Variants in ZBED6 observed in about 807,000 individuals in gnomAD.
ZBED6 encodes the protein zinc finger BED domain-containing protein 6.
A neutral mutation model predicts 58.4 loss-of-function variants in ZBED6; 40 were observed. That is an observed-to-expected ratio of 0.68 (90% CI 0.53 to 0.89). The LOEUF is 0.89. Ranked by LOEUF, ZBED6 falls within the 40% of genes least tolerant of loss-of-function variation. The pLI is 0.00. For synonymous variants in ZBED6, 439 were observed against 350.6 expected, an observed-to-expected ratio of 1.25 and a Z score of -2.82; for missense variants, 1,057 against 1,003.9, an observed-to-expected ratio of 1.05 and a Z score of -0.71.
chr1:203,825,804 A>G (rs1680344383), intron 3 of ZBED6, among the ~76,000 whole-genome samples: 1 of 149,986 alleles, frequency 6.7e-6, no homozygotes, highest in African/African-American at 2.4e-5. Flanking sequence ...GTCACTTGTG[A>G]TTTTTTTTTT....
exon 17 of ZBED6, chr1:203,852,511 A>T (rs559402046): frequency 2.6e-5 from 31 of 1,207,038 alleles, no homozygotes; most frequent in Middle Eastern, 2.1e-4. Context: ...ATTTGCCCCA[A>T]ATCAGAAGTA....
chr1:203,799,811 C>T, exon 1 of ZBED6: 1 of 1,388,014 alleles, frequency 7.2e-7, no homozygotes, highest in Non-Finnish European at 9.9e-7. Flanking sequence ...AATCCAAGCC[C>T]TGTATCTTGG....
At chr1:203,833,008 C>T (rs896070884) in intron 8 of ZBED6, among the ~76,000 whole-genome samples, 25 of 151,802 alleles carry the variant, frequency 1.6e-4, no homozygotes, top group African/African-American at 4.1e-4. Flanking sequence ...CTGAGGCGGG[C>T]GGATCGCTTG....
Position 203,829,763 on chromosome 1 carries a change from T to A in ZBED6, c.*3202-17T>A. On this transcript the variant is annotated splice_polypyrimidine_tract_variant and intron_variant, in intron 5 of 16. Coordinates refer to ENST00000550078, the Ensembl canonical transcript of ZBED6. ...CGTATTTTTAATTGTGAATTTGCCT[T>A]AAATGTTGATATATAGATCAGTTTT... is the stretch of plus-strand genomic sequence containing the variant. The A allele has an allele frequency of 6.2e-7, 1 of 1,613,272 alleles. No individual in the cohort carries two copies. The highest frequency in any genetic ancestry group is 8.5e-7 in the Non-Finnish European group (1 of 1,179,218).
intron 7 of ZBED6, among the ~76,000 whole-genome samples, chr1:203,830,925 A>ATTTTTTTTTTTTTTT (rs774771270): frequency 1.9e-5 from 1 of 51,352 alleles, no homozygotes. Context: ...CCAACCCCCA[A>ATTTTTTTTTTTTTTT]TTTTTTTTTT....
intron 1 of ZBED6, among the ~76,000 whole-genome samples, chr1:203,805,392 A>G (rs1386429857): frequency 6.6e-6 from 1 of 152,072 alleles, no homozygotes; most frequent in Non-Finnish European, 1.5e-5. Context: ...CAGCCTTTCA[A>G]AGTGCTGGGA....
exon 1 of ZBED6, chr1:203,798,327 G>A (rs758114772): frequency 4.6e-6 from 7 of 1,536,000 alleles, no homozygotes; most frequent in East Asian, 2.4e-5. Flanking sequence ...GACATCTGCC[G>A]TTTGGAATTT....
chr1:203,801,988 A>G (rs2102430973), exon 1 of ZBED6: 1 of 152,756 alleles, frequency 6.5e-6, no homozygotes, highest in Middle Eastern at 3.4e-3. Context: ...AAGCCTTTCC[A>G]GGGCCACTAT....
chr1:203,819,529 A>ATTTTTTTTT (rs755259647), intron 3 of ZBED6, among the ~76,000 whole-genome samples: 15 of 72,876 alleles, frequency 2.1e-4, no homozygotes, highest in African/African-American at 5.7e-4. Context: ...GCTGACTCCA[A>ATTTTTTTTT]TTTTTTTTTT....
intron 15 of ZBED6, 22 bp from the exon 16 acceptor site, chr1:203,851,035 T>C (rs758384093): frequency 1.2e-5 from 20 of 1,613,204 alleles, no homozygotes; most frequent in Non-Finnish European, 1.4e-5. Context: ...CTCACTGAAT[T>C]ACCTGACTCT....
chr1:203,822,428 A>T (rs1679086440), intron 3 of ZBED6, among the ~76,000 whole-genome samples: 1 of 151,010 alleles, frequency 6.6e-6, no homozygotes, highest in African/African-American at 2.4e-5. Context: ...CCTACTTTTG[A>T]CCCCCAACAC....
At chr1:203,830,673 G>T (rs1351938584) in intron 7 of ZBED6, among the ~76,000 whole-genome samples, 2 of 152,042 alleles carry the variant, frequency 1.3e-5, no homozygotes, top group Non-Finnish European at 2.9e-5. Flanking sequence ...GCCAGGCGGG[G>T]TGGCATGCAC....
exon 1 of ZBED6, chr1:203,798,602 TGAG>T (rs1404944731): frequency 6.5e-7 from 1 of 1,536,138 alleles, no homozygotes; most frequent in Non-Finnish European, 8.7e-7. Flanking sequence ...ATTTAACAGC[TGAG>T]GACCTTAGTG....
chr1:203,825,818 A>G (rs527516152), intron 3 of ZBED6, among the ~76,000 whole-genome samples: 1 of 152,192 alleles, frequency 6.6e-6, no homozygotes, highest in East Asian at 1.9e-4. Context: ...TTTTTTTACA[A>G]GTAAAAACTC....
chr1:203,811,475 A>G (rs1438475268), intron 1 of ZBED6, among the ~76,000 whole-genome samples: 1 of 152,160 alleles, frequency 6.6e-6, no homozygotes, highest in African/African-American at 2.4e-5. Context: ...TGATTTTGTG[A>G]GTGAGATTGA....
intron 1 of ZBED6, among the ~76,000 whole-genome samples, chr1:203,809,208 CTT>C (rs1255989640): frequency 1.1e-5 from 1 of 89,790 alleles, no homozygotes; most frequent in African/African-American, 4.5e-5. Flanking sequence ...TGGAGTCTTG[CTT>C]TGTCTCCCAG....
intron 2 of ZBED6, among the ~76,000 whole-genome samples, chr1:203,817,737 A>G (rs547314109): frequency 2.0e-5 from 3 of 151,848 alleles, no homozygotes; most frequent in South Asian, 4.2e-4. Flanking sequence ...TTTGTTCTTC[A>G]GTCATCTTGA....
intron 1 of ZBED6, among the ~76,000 whole-genome samples, chr1:203,809,836 T>C (rs1673722445): frequency 6.6e-6 from 1 of 151,950 alleles, no homozygotes; most frequent in Admixed American, 6.6e-5. Context: ...CGCCTGTAAT[T>C]CCAGCTACTC....
Position 203,837,318 on chromosome 1 carries a change from C to T in ZBED6, c.*3574-648C>T, listed in dbSNP as rs1684665430. Among the ~76,000 whole-genome samples the T allele has an allele frequency of 4.0e-5, 6 of 150,324 alleles. No individual in the cohort carries two copies. The South Asian group carries it at 1.0e-3, about 26-fold the overall frequency. On this transcript the variant is annotated intron_variant, in intron 9 of 16. Coordinates refer to ENST00000550078, the Ensembl canonical transcript of ZBED6. ...AAAAAAAAAAAAGGGTTCTTTTGTACATGAAGATTTTTCACATTTCTAATT... is the reference window on the plus strand; with the variant it reads ...AAAAAAAAAAAAGGGTTCTTTTGTATATGAAGATTTTTCACATTTCTAATT...
Sources: allele counts gnomAD v4.1 joint callset (sites outside exome capture counted in the v4.1 genomes callset), GRCh38; gene constraint gnomAD v4.1.1; transcripts MANE v1.5; gene names NCBI Gene and HGNC (gene_info 2026-07-23, HGNC 2026-07-21).